Variants in RPSA2 observed in about 807,000 individuals in gnomAD.
RPSA2 encodes the protein small ribosomal subunit protein uS2B.
the RPSA2 span, among the ~76,000 whole-genome samples, chr19:23,759,310 A>G: frequency 6.6e-6 from 1 of 152,018 alleles, no homozygotes; most frequent in African/African-American, 2.4e-5. Flanking sequence ...ATCTTCCTGG[A>G]TGGGCTTGAT....
At chr19:23,817,625 G>A in the RPSA2 span, 1 of 152,090 alleles carries the variant, frequency 6.6e-6, no homozygotes, top group Admixed American at 6.6e-5. Context: ...TTTTATTAAG[G>A]TGCACCCTGG....
the RPSA2 span, among the ~76,000 whole-genome samples, chr19:23,813,726 G>GTTTTTTT: frequency 1.8e-3 from 26 of 14,320 alleles, no homozygotes; most frequent in Non-Finnish European, 3.7e-3. Flanking sequence ...ATCAACACGG[G>GTTTTTTT]TTTCTTTTTT....
At chr19:23,783,927 G>T in the RPSA2 span, among the ~76,000 whole-genome samples, 1 of 152,132 alleles carries the variant, frequency 6.6e-6, no homozygotes, top group Admixed American at 6.5e-5. Flanking sequence ...GGAGAGGATT[G>T]TAACATCTCT....
chr19:23,863,165 A>G, the RPSA2 span, among the ~76,000 whole-genome samples: 1 of 152,160 alleles, frequency 6.6e-6, no homozygotes, highest in Admixed American at 6.5e-5. Context: ...CCCCTGGTTT[A>G]TCTGATTTAA....
At chr19:23,758,896 G>A in the RPSA2 span, 38 of 1,107,344 alleles carry the variant, frequency 3.4e-5, 1 homozygote, top group Admixed American at 2.3e-4. Context: ...AGAGACAAAG[G>A]CCCCGCCAAT....
the RPSA2 span, among the ~76,000 whole-genome samples, chr19:23,813,253 G>GCC: frequency 7.1e-6 from 1 of 141,682 alleles, no homozygotes; most frequent in Non-Finnish European, 1.6e-5. Context: ...AAAAAAAGTT[G>GCC]TGTATTTCAG....
chr19:23,758,813 CCAT>C, the RPSA2 span: 1 of 1,611,100 alleles, frequency 6.2e-7, no homozygotes, highest in Non-Finnish European at 8.5e-7. Context: ...GGTCAGAGGG[CCAT>C]AGAGGCTGGG....
At chr19:23,848,795 G>A in the RPSA2 span, among the ~76,000 whole-genome samples, 1 of 152,180 alleles carries the variant, frequency 6.6e-6, no homozygotes, top group African/African-American at 2.4e-5. Context: ...ATGCCTTGTT[G>A]AGAATTCCAC....
chr19:23,854,158 C>T, the RPSA2 span, among the ~76,000 whole-genome samples: 2 of 152,080 alleles, frequency 1.3e-5, no homozygotes, highest in African/African-American at 4.8e-5. Context: ...TGGCAGACAC[C>T]ATAAGTTTAA....
the RPSA2 span, chr19:23,809,107 GAC>G: frequency 6.4e-6 from 1 of 155,862 alleles, no homozygotes; most frequent in Non-Finnish European, 1.4e-5. Context: ...TGTTTTTGTG[GAC>G]AGAGAGATAT....
the RPSA2 span, among the ~76,000 whole-genome samples, chr19:23,797,793 C>G: frequency 3.3e-5 from 5 of 152,130 alleles, no homozygotes; most frequent in African/African-American, 1.2e-4. Flanking sequence ...CTCTTTTCTG[C>G]TTTTTCTTCC....
At chr19:23,858,424 TAG>T in the RPSA2 span, among the ~76,000 whole-genome samples, 4,026 of 152,272 alleles carry the variant, frequency 0.026, 87 homozygotes, top group Middle Eastern at 0.054. Context: ...AAAGAACAAC[TAG>T]AGTTTGCTGT....
At chr19:23,771,463 C>T in the RPSA2 span, among the ~76,000 whole-genome samples, 1 of 152,120 alleles carries the variant, frequency 6.6e-6, no homozygotes, top group Non-Finnish European at 1.5e-5. Flanking sequence ...ATACCTAGAA[C>T]TAAAAAAATG....
the RPSA2 span, chr19:23,832,251 C>A: frequency 2.2e-6 from 1 of 446,952 alleles, no homozygotes; most frequent in Non-Finnish European, 4.5e-6. Flanking sequence ...AAGCGTTTAC[C>A]CAGTTCTCAA....
At chr19:23,807,623 T>C in the RPSA2 span, among the ~76,000 whole-genome samples, 1 of 143,186 alleles carries the variant, frequency 7.0e-6, no homozygotes, top group Admixed American at 7.5e-5. Flanking sequence ...ACTGATGTTG[T>C]GGATATTATG....
At chr19:23,833,113 G>A in the RPSA2 span, 1 of 1,237,078 alleles carries the variant, frequency 8.1e-7, no homozygotes, top group African/African-American at 1.6e-5. Flanking sequence ...TAAACATAAG[G>A]TAATTCTTAC....
At chr19:23,820,278 T>A in the RPSA2 span, among the ~76,000 whole-genome samples, 3 of 152,208 alleles carry the variant, frequency 2.0e-5, no homozygotes, top group East Asian at 1.9e-4. Flanking sequence ...TAATAGCGTC[T>A]CTAGTGCCGT....
the RPSA2 span, among the ~76,000 whole-genome samples, chr19:23,858,343 T>C: frequency 1.3e-5 from 2 of 152,208 alleles, no homozygotes; most frequent in South Asian, 4.2e-4. Context: ...AAGCCCTGAC[T>C]TCACCACTAT....
the RPSA2 span, among the ~76,000 whole-genome samples, chr19:23,776,594 CA>C: frequency 6.6e-6 from 1 of 152,118 alleles, no homozygotes; most frequent in African/African-American, 2.4e-5. Context: ...GCTCATCACC[CA>C]GGTGATGTGA....
Sources: gnomAD v4.1 joint callset for allele counts (sites outside exome capture counted in the v4.1 genomes callset) on GRCh38, gnomAD v4.1.1 for gene constraint, MANE v1.5 for transcripts, NCBI Gene and HGNC (gene_info 2026-07-23, HGNC 2026-07-21) for gene names.